CCN2: variants seen among roughly 807,000 people sequenced by gnomAD.
CCN2 encodes CCN family member 2.
A neutral mutation model predicts 33.2 loss-of-function variants in CCN2; 22 were observed. The observed-to-expected ratio is 0.66, with a 90% CI of 0.47 to 0.95. The LOEUF (loss-of-function observed/expected upper bound fraction) is 0.95. Ranked by LOEUF, CCN2 falls within the 40% of genes least tolerant of loss-of-function variation. The pLI, the probability that CCN2 is intolerant of heterozygous loss-of-function variation, is 0.00. For synonymous variants in CCN2, 178 were observed against 200.6 expected (o/e 0.89, Z 0.95); for missense variants, 469 against 498.8 (o/e 0.94, Z 0.57).
Position 131,950,928 on chromosome 6 carries a change from G to C in CCN2, c.131C>G (p.Pro44Arg). Residue 44 changes from proline to arginine, a missense_variant, in exon 2 of 5, where the codon CCG becomes CGG. By Grantham distance (103) the Pro-to-Arg change is moderately radical. Transcript: ENST00000367976. This position sits in a 1 kb window ranked among gnomAD's most constrained non-coding sequence, Gnocchi z 7.1. ...RCPDEPAPRCPAGVSLVLDGC... is the reference protein window; with the variant it reads ...RCPDEPAPRCRAGVSLVLDGC... ...GTCCAGCACGAGGCTCACGCCCGCC[G>C]GGCAGCGCGGCGCCGGCTCGTCCGG... The C allele has an allele frequency of 6.9e-7, 1 of 1,452,142 alleles. No homozygotes were observed. Among genetic ancestry groups the C allele is most frequent in the East Asian group, 2.9e-5 (1 of 34,116 alleles). The allele number at this position is 1,452,142 out of a possible 1,614,324, so 90.0% of individuals were successfully genotyped here. A position where few individuals can be genotyped will look rare whatever the true frequency, so the allele number is the denominator to read the frequency against.
Position 131,949,994 on chromosome 6 carries a change from C to T in CCN2, c.708G>A (p.Leu236=). Residue 236 remains leucine (L), a synonymous_variant, in exon 4 of 5, where the codon CTG becomes CTA. Transcript: ENST00000367976. ...CAGCTTCGCAAGGCCTGACCATGCA[C>T]AGGCGGCTCTGCTTCTCTAGCCTGC... ...ASCRLEKQSR[L]CMVRPCEADL... is the part of the protein sequence containing the mutation. The T allele has an allele frequency of 1.9e-6, 3 of 1,614,252 alleles. No homozygotes were observed. The highest frequency in any genetic ancestry group is 1.7e-5 in the Admixed American group (1 of 60,038).
rs1783055875 is a variant in CCN2 at position 131,948,714 on chromosome 6, C to A, written c.*550G>T. 6.4e-6 allele frequency: 1 copy of A among 157,424 alleles called. No homozygotes were observed. 9.8% of individuals were successfully genotyped at this position (157,424 alleles called of 1,614,324 possible). A position where few individuals can be genotyped will look rare whatever the true frequency, so the allele number is the denominator to read the frequency against. ...ATCTGGCTTGTTACAGGCAAATTCACTTGCCACAAGCTGTCCAGTCTAATC... is the reference window on the plus strand; with the variant it reads ...ATCTGGCTTGTTACAGGCAAATTCAATTGCCACAAGCTGTCCAGTCTAATC... On this transcript the variant is annotated 3_prime_UTR_variant, in exon 5 of 5. Transcript: ENST00000367976.
chr6:131,950,130 T>C lies in CCN2; in HGVS notation c.572A>G (p.Asp191Gly), dbSNP rs200704146. The change falls in exon 4 of 5, where the codon GAC becomes GGC. Residue 191 changes from aspartate to glycine, a missense_variant. Asp to Gly is a moderately conservative substitution (Grantham distance 94). Transcript: ENST00000367976. This position sits in a 1 kb window ranked among gnomAD's most constrained non-coding sequence, Gnocchi z 7.1. ...AYRLEDTFGP[D>G]PTMIRANCLV... ...GCAGTTGGCTCTAATCATAGTTGGG[T>C]CTGGGCCAAACGTGTCTTCCAGTCG... 1 of 1,614,164 alleles carries C rather than the reference T, an allele frequency of 6.2e-7. No homozygotes were observed. The highest frequency in any genetic ancestry group is 8.5e-7 in the Non-Finnish European group (1 of 1,180,028).
At position 131,950,630 on chromosome 6, in the gene CCN2, G is replaced by C. The variant is rs558280868; in HGVS notation, c.290-87C>G. ...CACATCCAGAGCGTCAGGGATGCGA[G>C]TTGGGATCTGGGCTGCAGGGGGCGG... On this transcript the variant is annotated intron_variant, in intron 2 of 4. Transcript: ENST00000367976. The surrounding 1 kb of genome is among the most constrained non-coding windows in gnomAD (Gnocchi z 7.1). 106 of 1,558,790 alleles carry C rather than the reference G, an allele frequency of 6.8e-5. No homozygotes were observed. In the African/African-American group the frequency reaches 1.3e-3, roughly 20 times the overall value.
Position 131,949,970 on chromosome 6 carries a change from A to G in CCN2, c.732T>C (p.Ala244=), listed in dbSNP as rs747310463. The part of the protein sequence containing the change: ...SRLCMVRPCE[A]DLEENIKKGK... ...GTACCTTAATGTTCTCTTCCAGGTC[A>G]GCTTCGCAAGGCCTGACCATGCACA... The change falls in exon 4 of 5, where the codon GCT becomes GCC. Residue 244 remains alanine, a synonymous_variant. Transcript: ENST00000367976. The G allele has an allele frequency of 2.5e-6, 4 of 1,614,204 alleles. No individual in the cohort carries two copies. In the South Asian group the frequency reaches 4.4e-5, roughly 18 times the overall value.
At position 131,951,181 on chromosome 6, in the gene CCN2, C is replaced by G. The variant is rs1783105561; in HGVS notation, c.-9G>C. On this transcript the variant is annotated 5_prime_UTR_variant, in exon 1 of 5. Transcript: ENST00000367976. ...ATACTGGCGGCGGTCATGGTTGGCACTGCGGGCGGAGCGGAGGGCGCGGTG... is the reference window on the plus strand; with the variant it reads ...ATACTGGCGGCGGTCATGGTTGGCAGTGCGGGCGGAGCGGAGGGCGCGGTG... 2 of 1,322,340 alleles carry G rather than the reference C, an allele frequency of 1.5e-6. No individual in the cohort carries two copies. The allele number at this position is 1,322,340 out of a possible 1,614,324, so 81.9% of individuals were successfully genotyped here.
In CCN2 at chr6:131,950,078, G is replaced by C. The variant is rs1254649026; in HGVS notation, c.624C>G (p.Ala208=). The part of the protein sequence containing the change: ...NCLVQTTEWS[A]CSKTCGMGIS... ...TGCCCATCCCACAGGTCTTGGAACA[G>C]GCGCTCCACTCTGTGGTCTGGACCA... Residue 208 remains alanine (A), a synonymous_variant, in exon 4 of 5, where the codon GCC becomes GCG. Transcript: ENST00000367976. The surrounding 1 kb of genome is among the most constrained non-coding windows in gnomAD (Gnocchi z 7.1). 2 of 1,614,130 alleles carry C rather than the reference G, an allele frequency of 1.2e-6. No individual in the cohort carries two copies. Among genetic ancestry groups the C allele is most frequent in the Non-Finnish European group, 1.7e-6 (2 of 1,180,046 alleles).
rs373467469 is a variant in CCN2, at chr6:131,949,276, TC to T, written c.1037del (p.Gly346GlufsTer9). On this transcript the variant is annotated frameshift_variant, in exon 5 of 5. Coordinates refer to ENST00000367976, the MANE Select transcript of CCN2 (RefSeq NM_001901.4). LOFTEE classifies it high-confidence loss of function. ...FESLYYRKMY[G>X]DMA The stretch of plus-strand genomic sequence containing the variant: ...TCACTCTCTGGCTTCATGCCATGTC[TC>T]CGTACATCTTCCTGTAGTACAGCGA... 2.0e-5 allele frequency: 32 copies of T among 1,613,820 alleles called. No individual in the cohort carries two copies. In the East Asian group the frequency reaches 2.5e-4, roughly 12 times the overall value.
chr6:131,950,247 C>T lies in CCN2; in HGVS notation c.541+45G>A, dbSNP rs748675420. On this transcript the variant is annotated intron_variant, in intron 3 of 4. Coordinates refer to ENST00000367976, the MANE Select transcript of CCN2 (RefSeq NM_001901.4). This position sits in a 1 kb window ranked among gnomAD's most constrained non-coding sequence, Gnocchi z 7.1. ...GGTCGGCACAGTTAGGACTCCCTCC[C>T]TGGGAGAGAATCACGACCCTGACTT... The T allele has an allele frequency of 3.7e-6, 6 of 1,610,132 alleles. No individual in the cohort carries two copies. Among genetic ancestry groups the T allele is most frequent in the East Asian group, 2.2e-5 (1 of 44,770 alleles).
chr6:131,949,781 A>C (rs1783074660), intron 4 of CCN2, among the ~76,000 whole-genome samples, 168 bp downstream of exon 4: 2 of 152,212 alleles, frequency 1.3e-5, no homozygotes, highest in Non-Finnish European at 2.9e-5. Context: ...TTCGTAGTGG[A>C]AAACTGGTGG....
In CCN2 at chr6:131,950,709, G is replaced by T; in HGVS notation, c.289+61C>A. ...GTCCGAGCGGTTTCTTTTTCCAGCG[G>T]GCGGGTGGGCGTGAGGGAGGAGGCG... On this transcript the variant is annotated intron_variant, in intron 2 of 4. Transcript: ENST00000367976. The surrounding 1 kb of genome is among the most constrained non-coding windows in gnomAD (Gnocchi z 7.1). The T allele has an allele frequency of 8.8e-6, 13 of 1,476,902 alleles. No individual in the cohort carries two copies. The highest frequency in any genetic ancestry group is 1.4e-5 in the African/African-American group (1 of 72,308). 91.5% of individuals were successfully genotyped at this position (1,476,902 alleles called of 1,614,324 possible). A position where few individuals can be genotyped will look rare whatever the true frequency, so the allele number is the denominator to read the frequency against.
chr6:131,950,042 C>G lies in CCN2; in HGVS notation c.660G>C (p.Arg220=), dbSNP rs112570712. 6.2e-7 allele frequency: 1 copy of G among 1,614,216 alleles called. No individual in the cohort carries two copies. The highest frequency in any genetic ancestry group is 1.7e-5 in the Admixed American group (1 of 60,028). Reference sequence around the variant, plus strand: ...TGCAGGAGGCGTTGTCATTGGTAACCCGGGTGGAGATGCCCATCCCACAGG... The same window carrying G: ...TGCAGGAGGCGTTGTCATTGGTAACGCGGGTGGAGATGCCCATCCCACAGG... ...SKTCGMGIST[R]VTNDNASCRL... The change falls in exon 4 of 5, where the codon CGG becomes CGC. Residue 220 remains arginine (R), a synonymous_variant. Coordinates refer to ENST00000367976, the MANE Select transcript of CCN2 (RefSeq NM_001901.4). This position sits in a 1 kb window ranked among gnomAD's most constrained non-coding sequence, Gnocchi z 7.1.
chr6:131,951,017 C>T (rs1020802955), intron 1 of CCN2, 25 bp from the exon 2 acceptor site: 21 of 1,263,010 alleles, frequency 1.7e-5, no homozygotes, highest in Non-Finnish European at 2.1e-5. Flanking sequence ...GGGCGGTCAG[C>T]GGCGCTCGGT....
At position 131,949,151 on chromosome 6, in the gene CCN2, T is replaced by A; in HGVS notation, c.*113A>T. The A allele has an allele frequency of 1.0e-6, 1 of 966,182 alleles. No homozygotes were observed. Among genetic ancestry groups the A allele is most frequent in the Non-Finnish European group, 1.6e-6 (1 of 635,336 alleles). 59.9% of individuals were successfully genotyped at this position (966,182 alleles called of 1,614,324 possible). A position where few individuals can be genotyped will look rare whatever the true frequency, so the allele number is the denominator to read the frequency against. ...ATTGGGTGGGAATCTTTTCCCCCAG[T>A]TAGAAAAACAGATTTAAATAACTTG... is the stretch of plus-strand genomic sequence containing the variant. On this transcript the variant is annotated 3_prime_UTR_variant, in exon 5 of 5. Coordinates refer to ENST00000367976, the MANE Select transcript of CCN2 (RefSeq NM_001901.4).
At position 131,950,951 on chromosome 6, in the gene CCN2, C is replaced by A; in HGVS notation, c.108G>T (p.Pro36=). ...CCGGGCAGCGCGGCGCCGGCTCGTCCGGGCACCGGCACGGCCCGCTGCAGT... is the reference window on the plus strand; with the variant it reads ...CCGGGCAGCGCGGCGCCGGCTCGTCAGGGCACCGGCACGGCCCGCTGCAGT... ...GQNCSGPCRC[P]DEPAPRCPAG... The change falls in exon 2 of 5, where the codon CCG becomes CCT. Residue 36 remains proline, a synonymous_variant. Coordinates refer to ENST00000367976, the MANE Select transcript of CCN2 (RefSeq NM_001901.4). The surrounding 1 kb of genome is among the most constrained non-coding windows in gnomAD (Gnocchi z 7.1). The A allele has an allele frequency of 7.2e-7, 1 of 1,389,410 alleles. No homozygotes were observed. The highest frequency in any genetic ancestry group is 9.2e-7 in the Non-Finnish European group (1 of 1,082,774). The allele number at this position is 1,389,410 out of a possible 1,614,324, so 86.1% of individuals were successfully genotyped here.
In CCN2 at chr6:131,950,041, C is replaced by T. The variant is rs1202949995; in HGVS notation, c.661G>A (p.Val221Ile). ...KTCGMGISTR[V>I]TNDNASCRLE... Reference sequence around the variant, plus strand: ...CTGCAGGAGGCGTTGTCATTGGTAACCCGGGTGGAGATGCCCATCCCACAG... The same window carrying T: ...CTGCAGGAGGCGTTGTCATTGGTAATCCGGGTGGAGATGCCCATCCCACAG... Residue 221 changes from valine to isoleucine, a missense_variant, in exon 4 of 5, where the codon GTT (valine) becomes ATT (isoleucine). Transcript: ENST00000367976. This position sits in a 1 kb window ranked among gnomAD's most constrained non-coding sequence, Gnocchi z 7.1. 1 of 1,614,232 alleles carries T rather than the reference C, an allele frequency of 6.2e-7. No individual in the cohort carries two copies.
chr6:131,948,645 A>C lies in CCN2; in HGVS notation c.*619T>G, dbSNP rs1309282543. 8.9e-6 allele frequency: 1 copy of C among 112,970 alleles called. No homozygotes were observed. The highest frequency in any genetic ancestry group is 1.9e-5 in the Non-Finnish European group (1 of 52,914). 7.0% of individuals were successfully genotyped at this position (112,970 alleles called of 1,614,324 possible). On this transcript the variant is annotated 3_prime_UTR_variant, in exon 5 of 5. Coordinates refer to ENST00000367976, the MANE Select transcript of CCN2 (RefSeq NM_001901.4). The stretch of plus-strand genomic sequence containing the variant: ...TAACTGTACATATATATATATATAC[A>C]CACACACACACACACACAATATTTA...
Position 131,948,493 on chromosome 6 carries a change from CA to C in CCN2, c.*770del, listed in dbSNP as rs1437266241. 4 of 152,626 alleles carry C rather than the reference CA, an allele frequency of 2.6e-5. No homozygotes were observed. Among genetic ancestry groups the C allele is most frequent in the Non-Finnish European group, 5.9e-5 (4 of 68,044 alleles). The allele number at this position is 152,626 out of a possible 1,614,324, so 9.5% of individuals were successfully genotyped here. ...AGAATTTCCATATAAGTATCCATTT[CA>C]TGCTTTGAACGATCAGACAAGCTTT... is the stretch of plus-strand genomic sequence containing the variant. On this transcript the variant is annotated 3_prime_UTR_variant, in exon 5 of 5. Coordinates refer to ENST00000367976, the MANE Select transcript of CCN2 (RefSeq NM_001901.4).
rs1356462790 is a variant in CCN2, at chr6:131,950,902, C to G, written c.157G>C (p.Gly53Arg). The G allele has an allele frequency of 3.3e-6, 5 of 1,519,386 alleles. No individual in the cohort carries two copies. The East Asian group carries it at 1.0e-4, about 31-fold the overall frequency. The allele number at this position is 1,519,386 out of a possible 1,614,324, so 94.1% of individuals were successfully genotyped here. The change falls in exon 2 of 5, where the codon GGC (glycine) becomes CGC (arginine). Residue 53 changes from glycine to arginine, a missense_variant. Physicochemically the swap from Gly to Arg is moderately radical, Grantham distance 125. Coordinates refer to ENST00000367976, the MANE Select transcript of CCN2 (RefSeq NM_001901.4). The surrounding 1 kb of genome is among the most constrained non-coding windows in gnomAD (Gnocchi z 7.1). ...CPAGVSLVLD[G>R]CGCCRVCAKQ... ...GCGCAGACGCGGCAGCAGCCGCAGC[C>G]GTCCAGCACGAGGCTCACGCCCGCC...
Sources: gnomAD v4.1 joint callset for allele counts (sites outside exome capture counted in the v4.1 genomes callset) on GRCh38, gnomAD v4.1.1 for gene constraint, Gnocchi (gnomAD v3.1) non-coding constraint, MANE v1.5 for transcripts, NCBI Gene and HGNC (gene_info 2026-07-23, HGNC 2026-07-21) for gene names.